The following TENM2 variants were observed in gnomAD, a reference collection of about 807,000 sequenced individuals.
The protein encoded by TENM2 is teneurin transmembrane protein 2.
A neutral mutation model predicts 245.2 loss-of-function variants in TENM2; 52 were observed. That is an observed-to-expected ratio of 0.21 (90% CI 0.17 to 0.27). The LOEUF (loss-of-function observed/expected upper bound fraction) is 0.27, where lower values mean the gene tolerates loss of function less well. Ranked by LOEUF, TENM2 falls within the 10% of genes least tolerant of loss-of-function variation. TENM2 has a pLI of 1.00. For missense variants in TENM2, 3,046 were observed against 3,666.8 expected, an observed-to-expected ratio of 0.83 and a Z score of 4.37; for synonymous variants, 1,363 against 1,438.9, an observed-to-expected ratio of 0.95 and a Z score of 1.19.
intron 1 of TENM2, among the ~76,000 whole-genome samples, chr5:167,323,597 A>G: frequency 6.6e-6 from 1 of 152,170 alleles, no homozygotes; most frequent in East Asian, 1.9e-4. Flanking sequence ...CTAATTTTGA[A>G]GAAGTCAAAA....
upstream of TENM2, among the ~76,000 whole-genome samples, chr5:167,282,873 A>C: frequency 6.6e-6 from 1 of 152,080 alleles, no homozygotes; most frequent in East Asian, 1.9e-4. Context: ...ACATGCAAAA[A>C]CACTACTTAA....
At chr5:167,863,994 G>C (rs928618181) in intron 2 of TENM2, among the ~76,000 whole-genome samples, 1 of 152,158 alleles carries the variant, frequency 6.6e-6, no homozygotes, top group African/African-American at 2.4e-5. Context: ...AATATTTATA[G>C]GTCTTTGAGG....
intron 8 of TENM2, among the ~76,000 whole-genome samples, chr5:168,095,083 T>C (rs1301570589): frequency 1.3e-5 from 2 of 151,796 alleles, no homozygotes; most frequent in Non-Finnish European, 2.9e-5. Context: ...TTATGGTGAG[T>C]TGTATAGTTA....
At chr5:167,306,744 C>A (rs772513800) in intron 1 of TENM2, 1 of 152,226 alleles carries the variant, frequency 6.6e-6, no homozygotes, top group Non-Finnish European at 1.5e-5. Flanking sequence ...CTTTCTGTCA[C>A]CATCATTCGT....
chr5:167,952,783 A>G, exon 4 of TENM2: 2 of 1,569,608 alleles, frequency 1.3e-6, no homozygotes, highest in Non-Finnish European at 1.7e-6. Flanking sequence ...CAGCTTCAGG[A>G]CAGCTGGGTG....
intron 2 of TENM2, among the ~76,000 whole-genome samples, chr5:167,789,027 C>T (rs1354939850): frequency 2.0e-5 from 3 of 152,136 alleles, no homozygotes; most frequent in Admixed American, 6.6e-5. Context: ...CTGTGATCTA[C>T]GAATCTACGG....
intron 1 of TENM2, among the ~76,000 whole-genome samples, chr5:167,307,107 G>A (rs1755726292): frequency 6.6e-6 from 1 of 152,210 alleles, no homozygotes; most frequent in Non-Finnish European, 1.5e-5. Context: ...TCAAATCCGT[G>A]TGTTGAGATG....
the TENM2 span, among the ~76,000 whole-genome samples, chr5:167,099,855 G>C: frequency 4.8e-3 from 733 of 152,268 alleles, 6 homozygotes; most frequent in African/African-American, 0.017. Flanking sequence ...TCTTCAGAAA[G>C]GTTGCTCCAG....
At chr5:167,576,465 C>G (rs1023453090) in intron 2 of TENM2, among the ~76,000 whole-genome samples, 1 of 151,874 alleles carries the variant, frequency 6.6e-6, no homozygotes, top group Non-Finnish European at 1.5e-5. Flanking sequence ...GAATCATTAC[C>G]GTTTATGATG....
At chr5:167,477,787 A>G (rs1767488802) in intron 2 of TENM2, among the ~76,000 whole-genome samples, 1 of 152,174 alleles carries the variant, frequency 6.6e-6, no homozygotes, top group African/African-American at 2.4e-5. Flanking sequence ...AGATGGATAG[A>G]TGATAGACAG....
chr5:167,060,523 C>G, the TENM2 span, among the ~76,000 whole-genome samples: 1 of 151,532 alleles, frequency 6.6e-6, no homozygotes, highest in Non-Finnish European at 1.5e-5. Context: ...TGGTGGTGAG[C>G]ACCTGTAATC....
At chr5:167,518,833 C>T (rs1049192556) in intron 2 of TENM2, among the ~76,000 whole-genome samples, 1 of 152,062 alleles carries the variant, frequency 6.6e-6, no homozygotes, top group Non-Finnish European at 1.5e-5. Flanking sequence ...CAGCTGGGGC[C>T]AGTGGCAGGA....
Position 167,578,718 on chromosome 5 carries a change from C to T in TENM2, c.502+203245C>T, listed in dbSNP as rs7446681. On this transcript the variant is annotated intron_variant, in intron 2 of 28. Transcript: ENST00000518659. The stretch of plus-strand genomic sequence containing the variant: ...TACTTTATTTATTAGAATTAATTGC[C>T]TCTCTGAATTGCCTGTGTTGTCAGT... Among the ~76,000 whole-genome samples the T allele has an allele frequency of 4.7e-3, 717 of 152,224 alleles. 5 individuals are homozygous for T. Among genetic ancestry groups the T allele is most frequent in the African/African-American group, 0.016 (681 of 41,530 alleles).
In TENM2 at chr5:167,869,742, A is replaced by G. The variant is rs142351854; in HGVS notation, c.503-6244A>G. On this transcript the variant is annotated intron_variant, in intron 2 of 28. Transcript: ENST00000518659. The stretch of plus-strand genomic sequence containing the variant: ...AGAATATCTTGTCACACAGCCCTCT[A>G]AAAGCTGCACATGCAGAACTACACA... 7.4e-4 allele frequency among the ~76,000 whole-genome samples: 113 copies of G among 152,316 alleles called. 3 individuals carry two copies. The highest frequency in any genetic ancestry group is 2.6e-3 in the African/African-American group (108 of 41,586).
chr5:167,791,728 C>T (rs187486746), intron 2 of TENM2, among the ~76,000 whole-genome samples: 8 of 151,738 alleles, frequency 5.3e-5, no homozygotes, highest in South Asian at 4.2e-4. Flanking sequence ...CTTGTATGAC[C>T]GACATAGTGC....
intron 2 of TENM2, among the ~76,000 whole-genome samples, chr5:167,393,632 T>C (rs1340832855): frequency 6.6e-6 from 1 of 152,134 alleles, no homozygotes; most frequent in Non-Finnish European, 1.5e-5. Context: ...CACAGATTAT[T>C]TAAAATGGTG....
At chr5:167,584,292 G>T (rs1329548858) in intron 2 of TENM2, among the ~76,000 whole-genome samples, 1 of 152,210 alleles carries the variant, frequency 6.6e-6, no homozygotes, top group Non-Finnish European at 1.5e-5. Flanking sequence ...AATTTTCTGG[G>T]ATCTAAATAC....
intron 9 of TENM2, among the ~76,000 whole-genome samples, chr5:168,111,702 G>T (rs567575344): frequency 6.6e-6 from 1 of 152,246 alleles, no homozygotes; most frequent in African/African-American, 2.4e-5. Flanking sequence ...AACTAGATTT[G>T]ATTTGCTGCC....
chr5:168,056,059 C>T (rs1257083225), intron 6 of TENM2, among the ~76,000 whole-genome samples: 1 of 152,242 alleles, frequency 6.6e-6, no homozygotes, highest in Non-Finnish European at 1.5e-5. Context: ...GTGAGGGACT[C>T]ACCATATTGG....
Sources: gnomAD v4.1 joint callset for allele counts (sites outside exome capture counted in the v4.1 genomes callset) on GRCh38, gnomAD v4.1.1 for gene constraint, MANE v1.5 for transcripts, NCBI Gene and HGNC (gene_info 2026-07-23, HGNC 2026-07-21) for gene names.